Variants in DNAI4 observed in about 807,000 individuals in gnomAD.
DNAI4 encodes the protein WD repeat domain 78.
DNAI4 carries 85 observed loss-of-function variants against 105.8 expected under a neutral mutation model. That is an observed-to-expected ratio of 0.80 (90% CI 0.67 to 0.96). DNAI4 has a LOEUF of 0.96. Ranked by LOEUF, DNAI4 falls within the 40% of genes least tolerant of loss-of-function variation. The pLI is 0.00. For missense variants in DNAI4, 1,014 were observed against 1,005.6 expected, an observed-to-expected ratio of 1.01 and a Z score of -0.11; for synonymous variants, 352 against 331.5, an observed-to-expected ratio of 1.06 and a Z score of -0.67.
chr1:66,887,949 A>G (rs61467716), intron 4 of DNAI4, among the ~76,000 whole-genome samples: 20,066 of 151,990 alleles, frequency 0.13, 1,403 homozygotes, highest in Middle Eastern at 0.22. Context: ...ACAGAGCGAG[A>G]CTTTGTCTCA....
chr1:66,825,473 GCA>G (rs1216003781), intron 15 of DNAI4, among the ~76,000 whole-genome samples: 2 of 152,130 alleles, frequency 1.3e-5, no homozygotes, highest in Non-Finnish European at 2.9e-5. Context: ...GAGCCACCGC[GCA>G]CGGCCTAATA....
chr1:66,903,640 C>T (rs1009066712), intron 2 of DNAI4, among the ~76,000 whole-genome samples: 1 of 152,132 alleles, frequency 6.6e-6, no homozygotes, highest in Non-Finnish European at 1.5e-5. Context: ...ATTACAGGCA[C>T]CTGCCACGAC....
At chr1:66,891,298 AT>A in intron 3 of DNAI4, 32 bp from the exon 4 acceptor site, 1 of 1,447,916 alleles carries the variant, frequency 6.9e-7, no homozygotes, top group Non-Finnish European at 9.7e-7. Flanking sequence ...TTACTCATTT[AT>A]TTAGATGTCC....
chr1:66,835,250 T>C (rs1339706799), intron 11 of DNAI4, among the ~76,000 whole-genome samples: 1 of 151,294 alleles, frequency 6.6e-6, no homozygotes, highest in Non-Finnish European at 1.5e-5. Flanking sequence ...ATAAGATAGA[T>C]TTACATATAT....
At chr1:66,893,105 G>T (rs1035533698) in intron 3 of DNAI4, 124 bp downstream of exon 3, 1 of 466,740 alleles carries the variant, frequency 2.1e-6, no homozygotes, top group Non-Finnish European at 3.6e-6. Context: ...AAGAAAGAAA[G>T]AAAGAAAGAA....
At chr1:66,860,468 A>G (rs1389092451) in intron 7 of DNAI4, among the ~76,000 whole-genome samples, 1 of 152,110 alleles carries the variant, frequency 6.6e-6, no homozygotes, top group Non-Finnish European at 1.5e-5. Context: ...CATTTTCAAT[A>G]AATCTGATTA....
intron 1 of DNAI4, among the ~76,000 whole-genome samples, chr1:66,916,609 G>A (rs1650091280): frequency 6.6e-6 from 1 of 152,116 alleles, no homozygotes; most frequent in South Asian, 2.1e-4. Context: ...GATAAAATAA[G>A]TTCAGTTTCT....
At chr1:66,826,738 T>C in intron 15 of DNAI4, 82 bp downstream of exon 15, 1 of 1,236,978 alleles carries the variant, frequency 8.1e-7, no homozygotes. Context: ...TACAATACCC[T>C]CTAACTGGTG....
chr1:66,900,053 T>C (rs1435366250), intron 2 of DNAI4, among the ~76,000 whole-genome samples: 2 of 152,156 alleles, frequency 1.3e-5, no homozygotes, highest in Non-Finnish European at 2.9e-5. Context: ...TGTGATTCCA[T>C]ATGAATTTTA....
At chr1:66,875,914 T>C (rs1209151996) in intron 4 of DNAI4, among the ~76,000 whole-genome samples, 1 of 152,104 alleles carries the variant, frequency 6.6e-6, no homozygotes, top group African/African-American at 2.4e-5. Flanking sequence ...TACAAATTTT[T>C]GAAAATATGT....
chr1:66,860,620 C>T (rs957327940), intron 7 of DNAI4: 12 of 151,646 alleles, frequency 7.9e-5, no homozygotes, highest in Non-Finnish European at 1.5e-5. Flanking sequence ...GTTTTATTGT[C>T]CCTTTTGGTT....
chr1:66,899,004 T>C (rs774888421), intron 2 of DNAI4, among the ~76,000 whole-genome samples: 2 of 152,220 alleles, frequency 1.3e-5, no homozygotes, highest in Non-Finnish European at 2.9e-5. Flanking sequence ...TTACCCACTT[T>C]TCCATTGATG....
intron 7 of DNAI4, among the ~76,000 whole-genome samples, chr1:66,852,949 T>C (rs1380152063): frequency 6.6e-6 from 1 of 152,196 alleles, no homozygotes; most frequent in African/African-American, 2.4e-5. Context: ...TTATGATTTT[T>C]ATTGTTATAA....
At position 66,833,752 on chromosome 1, in the gene DNAI4, A is replaced by C. The variant is rs762100801; in HGVS notation, c.1892-46T>G. On this transcript the variant is annotated intron_variant, in intron 12 of 16. Transcript: ENST00000371026. ...ATATAACTTGTTATTTACCACATGA[A>C]AGAGTACCGCAAATATCATGTGTGT... is the stretch of plus-strand genomic sequence containing the variant. 1.9e-6 allele frequency: 3 copies of C among 1,592,170 alleles called. No individual in the cohort carries two copies. In the Admixed American group the frequency reaches 5.3e-5, roughly 28 times the overall value.
At chr1:66,872,132 G>T (rs750048614) in intron 5 of DNAI4, among the ~76,000 whole-genome samples, 1 of 151,976 alleles carries the variant, frequency 6.6e-6, no homozygotes, top group Non-Finnish European at 1.5e-5. Flanking sequence ...ATTAAGAGAG[G>T]TGTGTTTAAA....
At chr1:66,858,258 G>A (rs886176403) in intron 7 of DNAI4, among the ~76,000 whole-genome samples, 1 of 151,852 alleles carries the variant, frequency 6.6e-6, no homozygotes, top group African/African-American at 2.4e-5. Flanking sequence ...GGCCGGGCGC[G>A]GTGGCTCACG....
chr1:66,827,650 C>T (rs973452489), intron 14 of DNAI4, among the ~76,000 whole-genome samples, 162 bp downstream of exon 14: 2 of 152,022 alleles, frequency 1.3e-5, no homozygotes, highest in Non-Finnish European at 2.9e-5. Flanking sequence ...TAAAATGCCC[C>T]GTACATTATT....
chr1:66,848,435 AT>A (rs1646324813), intron 7 of DNAI4: 1 of 359,740 alleles, frequency 2.8e-6, no homozygotes, highest in Admixed American at 3.9e-5. Context: ...CTCTTTTGCC[AT>A]GTTAGGTAAC....
intron 2 of DNAI4, among the ~76,000 whole-genome samples, chr1:66,895,056 T>C (rs1400250158): frequency 6.6e-6 from 1 of 152,226 alleles, no homozygotes; most frequent in Non-Finnish European, 1.5e-5. Context: ...CCTTTTGTTT[T>C]GGTCCTCTTT....
Sources: allele counts gnomAD v4.1 joint callset (sites outside exome capture counted in the v4.1 genomes callset), GRCh38; gene constraint gnomAD v4.1.1; transcripts MANE v1.5; gene names NCBI Gene and HGNC (gene_info 2026-07-23, HGNC 2026-07-21).